Variants in SFMBT1 observed in about 807,000 individuals in gnomAD.
SFMBT1 encodes the protein Scm like with four mbt domains 1.
SFMBT1 carries 32 observed loss-of-function variants against 108.7 expected under a neutral mutation model. The ratio of observed to expected loss-of-function variants is 0.29; its 90% CI spans 0.22 to 0.40. The LOEUF (loss-of-function observed/expected upper bound fraction) is 0.40. SFMBT1 is among the 10% of genes least tolerant of loss of function. SFMBT1 has a pLI of 1.00. For synonymous variants in SFMBT1, 348 were observed against 369.5 expected, an observed-to-expected ratio of 0.94 and a Z score of 0.67; for missense variants, 816 against 1,059.6, an observed-to-expected ratio of 0.77 and a Z score of 3.19.
intron 1 of SFMBT1, among the ~76,000 whole-genome samples, chr3:53,003,656 A>C (rs1224093625): frequency 2.0e-5 from 3 of 149,412 alleles, no homozygotes; most frequent in African/African-American, 7.3e-5. Flanking sequence ...TAGTTGTTGT[A>C]AACACAGGTA....
intron 8 of SFMBT1, among the ~76,000 whole-genome samples, 197 bp downstream of exon 8, chr3:52,930,132 G>C (rs948798492): frequency 6.6e-6 from 1 of 152,200 alleles, no homozygotes; most frequent in African/African-American, 2.4e-5. Flanking sequence ...GCTTTGGCTA[G>C]GGCTACCAAG....
Position 52,970,434 on chromosome 3 carries a change from C to T in SFMBT1, c.-130-1176G>A, listed in dbSNP as rs373469917. Among the ~76,000 whole-genome samples the T allele has an allele frequency of 2.6e-5, 4 of 152,210 alleles. No individual in the cohort carries two copies. In the East Asian group the frequency reaches 7.7e-4, roughly 29 times the overall value. On this transcript the variant is annotated intron_variant, in intron 1 of 20. Coordinates refer to ENST00000394752, the MANE Select transcript of SFMBT1 (RefSeq NM_016329.4). ...TTATCATGTTTTTGAGGTTCATCCA[C>T]GTTGCAGTATGGATGAATCTATTTA...
intron 6 of SFMBT1, 88 bp from the exon 7 acceptor site, chr3:52,931,123 G>T: frequency 8.2e-7 from 1 of 1,220,718 alleles, no homozygotes; most frequent in Non-Finnish European, 1.2e-6. Context: ...ACAAAAACAA[G>T]TCACTTTCCA....
chr3:53,043,532 T>C (rs1292130722), intron 1 of SFMBT1, among the ~76,000 whole-genome samples: 4 of 152,236 alleles, frequency 2.6e-5, no homozygotes, highest in Admixed American at 1.3e-4. Context: ...AACTGATTCA[T>C]CTACTGACAC....
intron 6 of SFMBT1, among the ~76,000 whole-genome samples, chr3:52,931,608 G>A (rs927680147): frequency 1.3e-5 from 2 of 152,164 alleles, no homozygotes; most frequent in African/African-American, 4.8e-5. Context: ...GGGAGGCTGA[G>A]GTGGGCGGAT....
chr3:52,948,981 C>T (rs1210786273), intron 3 of SFMBT1, among the ~76,000 whole-genome samples: 3 of 151,570 alleles, frequency 2.0e-5, no homozygotes, highest in Non-Finnish European at 4.4e-5. Flanking sequence ...ATTTTTTTTA[C>T]ATTTAATCCT....
intron 4 of SFMBT1, among the ~76,000 whole-genome samples, chr3:52,935,852 ACT>A (rs1219417099): frequency 3.3e-5 from 5 of 150,670 alleles, no homozygotes; most frequent in Non-Finnish European, 7.4e-5. Context: ...CCGTGTCCCT[ACT>A]CTCTCTTTTT....
intron 1 of SFMBT1, among the ~76,000 whole-genome samples, chr3:53,005,504 G>A (rs956482556): frequency 2.0e-5 from 3 of 152,190 alleles, no homozygotes; most frequent in Admixed American, 6.5e-5. Flanking sequence ...ACAGGATTGG[G>A]TCTCACTGTG....
chr3:52,943,533 T>C lies in SFMBT1; in HGVS notation c.184A>G (p.Thr62Ala). ...GCAACCCAGTAGGTCTCAGGATCTG[T>C]TCTCACAGCCACCTCCAGCTTCATC... ...PGMKLEVAVR[T>A]DPETYWVATV... Residue 62 changes from threonine to alanine, a missense_variant, in exon 4 of 21, where the codon ACA (threonine) becomes GCA (alanine). Coordinates refer to ENST00000394752, the MANE Select transcript of SFMBT1 (RefSeq NM_016329.4). 6.2e-7 allele frequency: 1 copy of C among 1,614,230 alleles called. No individual in the cohort carries two copies. Among genetic ancestry groups the C allele is most frequent in the Non-Finnish European group, 8.5e-7 (1 of 1,180,038 alleles).
In SFMBT1 at chr3:52,928,261, G is replaced by A. The variant is rs763448473; in HGVS notation, c.978C>T (p.His326=). The change falls in exon 9 of 21, where the codon CAC becomes CAT. Residue 326 remains histidine, a synonymous_variant. Transcript: ENST00000394752. The part of the protein sequence containing the change: ...ENHARRSFVC[H]ADSPGIFPVQ... ...CAGGGAAGATGCCAGGACTGTCGGCGTGGCACACAAAGGATCGCCGTGCGT... is the reference window on the plus strand; with the variant it reads ...CAGGGAAGATGCCAGGACTGTCGGCATGGCACACAAAGGATCGCCGTGCGT... 12 of 1,614,092 alleles carry A rather than the reference G, an allele frequency of 7.4e-6. No homozygotes were observed. The highest frequency in any genetic ancestry group is 5.5e-5 in the South Asian group (5 of 91,068).
intron 14 of SFMBT1, among the ~76,000 whole-genome samples, chr3:52,914,766 C>A (rs371973083): frequency 6.6e-6 from 1 of 151,986 alleles, no homozygotes; most frequent in East Asian, 1.9e-4. Context: ...AACAAAAAAA[C>A]GATGGTCTAT....
At position 52,921,752 on chromosome 3, in the gene SFMBT1, G is replaced by C. The variant is rs374727301; in HGVS notation, c.1211C>G (p.Ala404Gly). ...GGAGCCTCTCACTGCAGTGATGGTAGCAACACACACTTCTTCAGGGAGAAT... is the reference window on the plus strand; with the variant it reads ...GGAGCCTCTCACTGCAGTGATGGTACCAACACACACTTCTTCAGGGAGAAT... The part of the protein sequence containing the change: ...NPILPEEVCV[A>G]TITAVRGSYL... Residue 404 changes from alanine (A) to glycine (G), a missense_variant, in exon 11 of 21, where the codon GCT (alanine) becomes GGT (glycine). By Grantham distance (60) the Ala-to-Gly change is moderately conservative. Transcript: ENST00000394752. The C allele has an allele frequency of 1.2e-6, 2 of 1,614,124 alleles. No individual in the cohort carries two copies. Among genetic ancestry groups the C allele is most frequent in the Non-Finnish European group, 1.7e-6 (2 of 1,180,030 alleles).
At chr3:52,971,020 A>T (rs983108464) in intron 1 of SFMBT1, among the ~76,000 whole-genome samples, 3 of 152,124 alleles carry the variant, frequency 2.0e-5, no homozygotes, top group Non-Finnish European at 2.9e-5. Context: ...CTGCAGTCCC[A>T]GCTACTTGGG....
At position 52,926,178 on chromosome 3, in the gene SFMBT1, C is replaced by T. The variant is rs111941291; in HGVS notation, c.1049-65G>A. 0.011 allele frequency: 16,101 copies of T among 1,452,286 alleles called. 941 individuals carry two copies. The South Asian group carries it at 0.13, about 12-fold the overall frequency. 90.0% of individuals were successfully genotyped at this position (1,452,286 alleles called of 1,614,324 possible). A position where few individuals can be genotyped will look rare whatever the true frequency, so the allele number is the denominator to read the frequency against. On this transcript the variant is annotated intron_variant, in intron 9 of 20. Transcript: ENST00000394752. ...CCACATACGCCTGCCTGGCTTCACC[C>T]CTCACCAAGGGTCCACTCACAACTT...
At chr3:52,969,552 C>T (rs1296691796) in intron 1 of SFMBT1, among the ~76,000 whole-genome samples, 1 of 152,146 alleles carries the variant, frequency 6.6e-6, no homozygotes, top group East Asian at 1.9e-4. Flanking sequence ...TTTAAATTTA[C>T]ATTACCATAC....
At chr3:52,925,969 AG>A (rs200282995) in intron 10 of SFMBT1, 61 bp downstream of exon 10, 19,253 of 1,425,726 alleles carry the variant, frequency 0.014, 164 homozygotes, top group Non-Finnish European at 0.015. Context: ...ATGGAAAGCA[AG>A]GGAAGCACAG....
chr3:52,968,875 G>A (rs1176911742), intron 2 of SFMBT1, among the ~76,000 whole-genome samples: 6 of 152,136 alleles, frequency 3.9e-5, no homozygotes, highest in Non-Finnish European at 8.8e-5. Context: ...TTACAGGTAT[G>A]AGCCACCGCG....
intron 4 of SFMBT1, among the ~76,000 whole-genome samples, chr3:52,937,218 C>T (rs1163587199): frequency 6.6e-6 from 1 of 152,066 alleles, no homozygotes; most frequent in Non-Finnish European, 1.5e-5. Context: ...AGTCTACCAC[C>T]AACAGTAGGA....
chr3:52,982,219 T>C (rs1440513407), intron 1 of SFMBT1, among the ~76,000 whole-genome samples: 6 of 152,196 alleles, frequency 3.9e-5, no homozygotes, highest in Non-Finnish European at 2.9e-5. Context: ...AGAACCCTGA[T>C]AGAACATCAT....
Sources: allele counts gnomAD v4.1 joint callset (sites outside exome capture counted in the v4.1 genomes callset), GRCh38; gene constraint gnomAD v4.1.1; transcripts MANE v1.5; gene names NCBI Gene and HGNC (gene_info 2026-07-23, HGNC 2026-07-21).